KIF26A: variants seen among roughly 807,000 people sequenced by gnomAD.
KIF26A encodes kinesin family member 26A.
Under a neutral mutation model 126.0 loss-of-function variants are expected in KIF26A, and 74 were observed. The observed-to-expected ratio is 0.59, with a 90% CI of 0.49 to 0.71. The LOEUF is 0.71. Ranked by LOEUF, KIF26A falls within the 30% of genes least tolerant of loss-of-function variation. The probability of loss-of-function intolerance (pLI) is 0.00; values close to 1 mark genes in which losing one functional copy is unlikely to be tolerated. For synonymous variants in KIF26A, 1,445 were observed against 1,232.7 expected, an observed-to-expected ratio of 1.17 and a Z score of -3.61; for missense variants, 2,984 against 2,763.3, an observed-to-expected ratio of 1.08 and a Z score of -1.79.
chr14:104,149,790 C>G (rs2037709975), intron 2 of KIF26A, among the ~76,000 whole-genome samples: 1 of 152,188 alleles, frequency 6.6e-6, no homozygotes, highest in African/African-American at 2.4e-5. Flanking sequence ...GTGGGCTTCC[C>G]AAGGCCTGAG....
At chr14:104,174,335 C>T (rs1292776412) in intron 11 of KIF26A, 25 bp downstream of exon 11, 2 of 1,500,482 alleles carry the variant, frequency 1.3e-6, no homozygotes, top group Non-Finnish European at 1.8e-6. Context: ...CTGCCCGCCC[C>T]ATCTCGGGGC....
Position 104,173,512 on chromosome 14 carries a change from A to T in KIF26A, c.1866A>T (p.Gly622=). The T allele has an allele frequency of 6.4e-7, 1 of 1,554,558 alleles. No homozygotes were observed. The highest frequency in any genetic ancestry group is 1.2e-5 in the South Asian group (1 of 83,420). The change falls in exon 9 of 15, where the codon GGA becomes GGT. Residue 622 remains glycine (G), a splice_region_variant and synonymous_variant. Transcript: ENST00000423312. The stretch of plus-strand genomic sequence containing the variant: ...GCATGGAGAAGTGCGGCCGGGGAGG[A>T]AGTAGGTGCCACACCCGCACTCCCG... ...QYRMEKCGRG[G]MSGGRSRLHL...
In KIF26A at chr14:104,148,505, C is replaced by T. The variant is rs1023899610; in HGVS notation, c.289-3510C>T. Among the ~76,000 whole-genome samples the T allele has an allele frequency of 3.9e-5, 6 of 152,122 alleles. No individual in the cohort carries two copies. The highest frequency in any genetic ancestry group is 1.9e-4 in the East Asian group (1 of 5,170). On this transcript the variant is annotated intron_variant, in intron 2 of 14. Coordinates refer to ENST00000423312, the MANE Select transcript of KIF26A (RefSeq NM_015656.2). This position sits in a 1 kb window ranked among gnomAD's most constrained non-coding sequence, Gnocchi z 4.3. ...TTCCTGAAATTGGGGGGCAGTAACC[C>T]GTTGGGGGCTTGGGCCAGAGGACCC...
intron 3 of KIF26A, among the ~76,000 whole-genome samples, chr14:104,156,029 C>T (rs1046355313): frequency 5.3e-5 from 8 of 152,062 alleles, no homozygotes; most frequent in Non-Finnish European, 1.5e-5. Flanking sequence ...ACGGTGGTGC[C>T]ATCGCGACGA....
chr14:104,167,072 G>T (rs1026285585), intron 5 of KIF26A, 24 bp downstream of exon 5: 2 of 1,497,482 alleles, frequency 1.3e-6, no homozygotes, highest in Non-Finnish European at 1.8e-6. Flanking sequence ...CGAGTTCGGG[G>T]CCCTGGGTGG....
chr14:104,157,311 T>A (rs1037673783), intron 3 of KIF26A, among the ~76,000 whole-genome samples: 2 of 152,152 alleles, frequency 1.3e-5, no homozygotes, highest in Non-Finnish European at 2.9e-5. Flanking sequence ...GCCAAATAGT[T>A]ATCGTGGTTT....
Position 104,152,703 on chromosome 14 carries a change from C to T in KIF26A, c.735+242C>T, listed in dbSNP as rs1566856443. Among the ~76,000 whole-genome samples, 1 of 152,218 alleles carries T rather than the reference C, an allele frequency of 6.6e-6. No homozygotes were observed. ...ATACCTTCTCTGGGAGCACGTGCCC[C>T]TCCCTGTCTGTCTTTTGAGACTGGG... is the stretch of plus-strand genomic sequence containing the variant. On this transcript the variant is annotated intron_variant, in intron 3 of 14. Transcript: ENST00000423312. The surrounding 1 kb of genome is among the most constrained non-coding windows in gnomAD (Gnocchi z 5.9).
At chr14:104,169,548 C>T (rs997213313) in intron 5 of KIF26A, among the ~76,000 whole-genome samples, 1 of 152,214 alleles carries the variant, frequency 6.6e-6, no homozygotes, top group African/African-American at 2.4e-5. Context: ...CCCTGCACAC[C>T]CCCCAGCTCC....
rs766121626 is a variant in KIF26A, at chr14:104,177,088, G to A, written c.4300G>A (p.Gly1434Arg). ...SKVEAAHRLA[G>R]HASLERYEGL... The stretch of plus-strand genomic sequence containing the variant: ...GGTAGAAGCAGCACACCGTCTTGCC[G>A]GACACGCGTCTCTGGAGCGGTACGA... Residue 1434 changes from glycine (G) to arginine (R), a missense_variant, in exon 12 of 15, where the codon GGA becomes AGA. Transcript: ENST00000423312. 2.8e-5 allele frequency: 45 copies of A among 1,596,352 alleles called. 1 individual carries two copies. In the Middle Eastern group the frequency reaches 9.9e-4, roughly 35 times the overall value.
At position 104,152,574 on chromosome 14, in the gene KIF26A, G is replaced by A. The variant is rs1242986457; in HGVS notation, c.735+113G>A. 1 of 1,036,934 alleles carries A rather than the reference G, an allele frequency of 9.6e-7. No individual in the cohort carries two copies. The highest frequency in any genetic ancestry group is 1.6e-5 in the African/African-American group (1 of 61,948). The allele number at this position is 1,036,934 out of a possible 1,614,324, so 64.2% of individuals were successfully genotyped here. A position where few individuals can be genotyped will look rare whatever the true frequency, so the allele number is the denominator to read the frequency against. On this transcript the variant is annotated intron_variant, in intron 3 of 14. Transcript: ENST00000423312. The surrounding 1 kb of genome is among the most constrained non-coding windows in gnomAD (Gnocchi z 5.9). ...CTGCAGTAAGGCTTCCCTGAAGGGA[G>A]GGGACGGCGGGCATGGGGGTTCCTG...
chr14:104,179,738 T>C lies in KIF26A; in HGVS notation c.5597T>C (p.Ile1866Thr). 6.4e-7 allele frequency: 1 copy of C among 1,554,738 alleles called. No homozygotes were observed. The highest frequency in any genetic ancestry group is 1.2e-5 in the South Asian group (1 of 84,248). ...AHVMMVTCFD[I>T]SVAASAAIPG... ...GTCATGATGGTCACCTGCTTCGACATCAGCGTTGCAGCCAGTGCTGCCATC... is the reference window on the plus strand; with the variant it reads ...GTCATGATGGTCACCTGCTTCGACACCAGCGTTGCAGCCAGTGCTGCCATC... The change falls in exon 15 of 15, where the codon ATC becomes ACC. Residue 1866 changes from isoleucine (I) to threonine (T), a missense_variant. Physicochemically the swap from Ile to Thr is moderately conservative, Grantham distance 89. Transcript: ENST00000423312.
At chr14:104,154,996 C>G (rs1038481595) in intron 3 of KIF26A, among the ~76,000 whole-genome samples, 28 of 152,176 alleles carry the variant, frequency 1.8e-4, no homozygotes, top group Non-Finnish European at 3.7e-4. Flanking sequence ...TCTTTGAACT[C>G]AGGGCTGTCC....
At position 104,151,302 on chromosome 14, in the gene KIF26A, T is replaced by G. The variant is rs1425109972; in HGVS notation, c.289-713T>G. ...TCTCAGGGTTCTAGAGAAACCTGTG[T>G]GTCCCCCCAGTTCAGGGAAGGGGGC... On this transcript the variant is annotated intron_variant, in intron 2 of 14. Coordinates refer to ENST00000423312, the MANE Select transcript of KIF26A (RefSeq NM_015656.2). This position sits in a 1 kb window ranked among gnomAD's most constrained non-coding sequence, Gnocchi z 4.9. 6.6e-6 allele frequency among the ~76,000 whole-genome samples: 1 copy of G among 151,956 alleles called. No individual in the cohort carries two copies. Among genetic ancestry groups the G allele is most frequent in the East Asian group, 1.9e-4 (1 of 5,144 alleles).
chr14:104,175,388 C>T lies in KIF26A; in HGVS notation c.2600C>T (p.Ala867Val). 6.3e-7 allele frequency: 1 copy of T among 1,597,424 alleles called. No individual in the cohort carries two copies. Residue 867 changes from alanine to valine, a missense_variant, in exon 12 of 15, where the codon GCT (alanine) becomes GTT (valine). By Grantham distance (64) the Ala-to-Val change is moderately conservative. Coordinates refer to ENST00000423312, the MANE Select transcript of KIF26A (RefSeq NM_015656.2). ...GGAGGTCCAGGTGGCACCGACGGAG[C>T]TCAGGCCAGCCCCGCCCGAGGGGGC... ...PSGGPGGTDG[A>V]QASPARGGRK... is the part of the protein sequence containing the mutation.
At chr14:104,179,043 T>C (rs955358786) in intron 13 of KIF26A, among the ~76,000 whole-genome samples, 193 bp from the exon 14 acceptor site, 6 of 151,966 alleles carry the variant, frequency 3.9e-5, no homozygotes, top group Non-Finnish European at 7.4e-5. Context: ...GGGAGGGTGG[T>C]CCTAGAGCCG....
chr14:104,179,142 G>A, intron 13 of KIF26A, 94 bp from the exon 14 acceptor site: 3 of 1,330,722 alleles, frequency 2.3e-6, no homozygotes, highest in Non-Finnish European at 2.9e-6. Context: ...CCAAGGCCTG[G>A]CAGGTGAAGG....
chr14:104,166,259 G>C (rs914438172), intron 4 of KIF26A, among the ~76,000 whole-genome samples: 1 of 152,148 alleles, frequency 6.6e-6, no homozygotes, highest in African/African-American at 2.4e-5. Context: ...AGCCTCACCT[G>C]GGGCCTGGGG....
rs781172169 is a variant in KIF26A at position 104,175,635 on chromosome 14, C to T, written c.2847C>T (p.Pro949=). Reference sequence around the variant, plus strand: ...TGAGTGGAGGCAGGAGGCCACTGCCCAGCCCGGCTCCCCCACCTCCTCAGT... The same window carrying T: ...TGAGTGGAGGCAGGAGGCCACTGCCTAGCCCGGCTCCCCCACCTCCTCAGT... ...AAVSGGRRPL[P]SPAPPPPQLL... Residue 949 remains proline, a synonymous_variant, in exon 12 of 15, where the codon CCC becomes CCT. Transcript: ENST00000423312. 6.2e-7 allele frequency: 1 copy of T among 1,610,742 alleles called. No individual in the cohort carries two copies. Among genetic ancestry groups the T allele is most frequent in the Middle Eastern group, 1.7e-4 (1 of 5,756 alleles).
At position 104,176,838 on chromosome 14, in the gene KIF26A, G is replaced by T; in HGVS notation, c.4050G>T (p.Ala1350=). ...PTSKKGLAPK[A]GFLPRPSGAA... is the part of the protein sequence containing the mutation. ...GCAAGAAGGGTCTGGCTCCCAAGGC[G>T]GGCTTCCTCCCGAGGCCCAGTGGGG... The change falls in exon 12 of 15, where the codon GCG becomes GCT. Residue 1350 remains alanine, a synonymous_variant. Transcript: ENST00000423312. 2.6e-6 allele frequency: 4 copies of T among 1,547,890 alleles called. No individual in the cohort carries two copies. Among genetic ancestry groups the T allele is most frequent in the Non-Finnish European group, 2.6e-6 (3 of 1,147,336 alleles).
Sources: gnomAD v4.1 joint callset for allele counts (sites outside exome capture counted in the v4.1 genomes callset) on GRCh38, gnomAD v4.1.1 for gene constraint, Gnocchi (gnomAD v3.1) non-coding constraint, MANE v1.5 for transcripts, NCBI Gene and HGNC (gene_info 2026-07-23, HGNC 2026-07-21) for gene names.